ABCD3: variants seen among roughly 807,000 people sequenced by gnomAD.
The protein encoded by ABCD3 is ATP binding cassette subfamily D member 3.
ABCD3 carries 41 observed loss-of-function variants against 105.5 expected under a neutral mutation model. The ratio of observed to expected loss-of-function variants is 0.39; its 90% CI spans 0.30 to 0.50. The LOEUF (loss-of-function observed/expected upper bound fraction) is 0.50, where lower values mean the gene tolerates loss of function less well. Ranked by LOEUF, ABCD3 falls within the 20% of genes least tolerant of loss-of-function variation. The pLI is 0.84. For synonymous variants in ABCD3, 258 were observed against 269.0 expected, an observed-to-expected ratio of 0.96 and a Z score of 0.40; for missense variants, 622 against 806.3, an observed-to-expected ratio of 0.77 and a Z score of 2.77.
At chr1:94,447,284 C>T (rs1164516067) in intron 1 of ABCD3, among the ~76,000 whole-genome samples, 1 of 152,082 alleles carries the variant, frequency 6.6e-6, no homozygotes, top group Non-Finnish European at 1.5e-5. Flanking sequence ...AAGAAAAAAT[C>T]AGGTAAATAG....
At chr1:94,409,159 C>A in the ABCD3 span, among the ~76,000 whole-genome samples, 2 of 152,002 alleles carry the variant, frequency 1.3e-5, no homozygotes, top group Non-Finnish European at 2.9e-5. Flanking sequence ...TTTGCTAGCA[C>A]AACAGCGTGA....
chr1:94,418,953 T>C, intron 1 of ABCD3: 1 of 318,852 alleles, frequency 3.1e-6, no homozygotes, highest in South Asian at 3.4e-5. Context: ...ACTTTCTGGG[T>C]GTGTTCTGGT....
At chr1:94,457,452 G>A (rs1647631373) in intron 1 of ABCD3, among the ~76,000 whole-genome samples, 1 of 152,096 alleles carries the variant, frequency 6.6e-6, no homozygotes, top group Non-Finnish European at 1.5e-5. Context: ...AACAGATGTT[G>A]AACATAGAGG....
chr1:94,479,760 C>T (rs1484912772), intron 8 of ABCD3, among the ~76,000 whole-genome samples: 1 of 151,886 alleles, frequency 6.6e-6, no homozygotes, highest in Non-Finnish European at 1.5e-5. Flanking sequence ...TTTAGTATGG[C>T]AGAGTATAGG....
chr1:94,419,344 T>G, intron 1 of ABCD3: 1 of 985,356 alleles, frequency 1.0e-6, no homozygotes, highest in African/African-American at 1.7e-5. Flanking sequence ...AGCTCCTTTT[T>G]AATGACACGC....
At chr1:94,459,844 A>T (rs894173352) in intron 2 of ABCD3, among the ~76,000 whole-genome samples, 1 of 152,202 alleles carries the variant, frequency 6.6e-6, no homozygotes, top group Admixed American at 6.5e-5. Flanking sequence ...GACATTTCAA[A>T]TAAATGAAAT....
At chr1:94,464,727 A>C (rs772548978) in intron 2 of ABCD3, 48 bp from the exon 3 acceptor site, 1 of 1,456,668 alleles carries the variant, frequency 6.9e-7, no homozygotes, top group Non-Finnish European at 9.6e-7. Flanking sequence ...TAATTTTATG[A>C]TATGTTTGTT....
intron 1 of ABCD3, among the ~76,000 whole-genome samples, chr1:94,454,473 A>C (rs1330564353): frequency 6.6e-6 from 1 of 152,108 alleles, no homozygotes; most frequent in Non-Finnish European, 1.5e-5. Flanking sequence ...TAAAAATCAG[A>C]TATTCAAGTC....
At chr1:94,502,228 T>A (rs968663245) in intron 20 of ABCD3, among the ~76,000 whole-genome samples, 2 of 152,192 alleles carry the variant, frequency 1.3e-5, no homozygotes, top group African/African-American at 4.8e-5. Flanking sequence ...ATCATTTTAC[T>A]TATTTTTATC....
chr1:94,518,568 C>G lies in ABCD3; in HGVS notation c.*1439C>G, dbSNP rs1201444291. 2 of 149,966 alleles carry G rather than the reference C, an allele frequency of 1.3e-5. No homozygotes were observed. The highest frequency in any genetic ancestry group is 4.9e-5 in the African/African-American group (2 of 40,806). The allele number at this position is 149,966 out of a possible 1,614,324, so 9.3% of individuals were successfully genotyped here. ...TTCTTTTTATTCTGGTATCTAAATA[C>G]TGAGAAGTTCATTTATAATTCAGCC... On this transcript the variant is annotated 3_prime_UTR_variant, in exon 23 of 23. Coordinates refer to ENST00000370214, the MANE Select transcript of ABCD3 (RefSeq NM_002858.4).
At chr1:94,499,745 T>G in intron 20 of ABCD3, 131 bp downstream of exon 20, 1 of 1,143,968 alleles carries the variant, frequency 8.7e-7, no homozygotes, top group Admixed American at 2.2e-5. Flanking sequence ...TAAATTATCA[T>G]AAAAGTGCTT....
At chr1:94,442,518 T>C (rs1390222661) in intron 1 of ABCD3, among the ~76,000 whole-genome samples, 1 of 152,206 alleles carries the variant, frequency 6.6e-6, no homozygotes, top group African/African-American at 2.4e-5. Flanking sequence ...GCAGATTTCT[T>C]ACATGCATAT....
At chr1:94,484,139 A>G (rs1344289732) in intron 10 of ABCD3, among the ~76,000 whole-genome samples, 2 of 152,194 alleles carry the variant, frequency 1.3e-5, no homozygotes, top group East Asian at 3.8e-4. Flanking sequence ...GTCAGGAAAC[A>G]ACGTGCTGGA....
intron 1 of ABCD3, among the ~76,000 whole-genome samples, chr1:94,445,329 G>C (rs1660306496): frequency 6.6e-6 from 1 of 152,282 alleles, no homozygotes; most frequent in Middle Eastern, 3.4e-3. Flanking sequence ...CTCAAACCCA[G>C]GTTGAGGGGT....
intron 1 of ABCD3, among the ~76,000 whole-genome samples, chr1:94,419,914 G>C (rs990138949): frequency 6.6e-6 from 1 of 152,144 alleles, no homozygotes; most frequent in African/African-American, 2.4e-5. Context: ...AAGTTTTTCT[G>C]TTGGTTTGTA....
In ABCD3 at chr1:94,432,816, A is replaced by G. The variant is rs574891533; in HGVS notation, c.110+14228A>G. Reference sequence around the variant, plus strand: ...ATATTAAGTCATGCATTGCTTAACAATGGAGATGTCTTCTGAGAAATGCAC... The same window carrying G: ...ATATTAAGTCATGCATTGCTTAACAGTGGAGATGTCTTCTGAGAAATGCAC... On this transcript the variant is annotated intron_variant, in intron 1 of 22. Coordinates refer to ENST00000370214, the MANE Select transcript of ABCD3 (RefSeq NM_002858.4). Among the ~76,000 whole-genome samples, 336 of 152,158 alleles carry G rather than the reference A, an allele frequency of 2.2e-3. 1 individual carries two copies. The highest frequency in any genetic ancestry group is 3.4e-3 in the Non-Finnish European group (232 of 68,014).
intron 1 of ABCD3, among the ~76,000 whole-genome samples, chr1:94,450,138 TA>T (rs1193857437): frequency 3.3e-5 from 5 of 152,338 alleles, no homozygotes; most frequent in Non-Finnish European, 5.9e-5. Context: ...TAAAATGGAT[TA>T]AAAACACTTG....
chr1:94,499,571 A>G lies in ABCD3; in HGVS notation c.1697A>G (p.Asp566Gly). 6.2e-7 allele frequency: 1 copy of G among 1,613,814 alleles called. No individual in the cohort carries two copies. Residue 566 changes from aspartate to glycine, a missense_variant, in exon 20 of 23, where the codon GAT becomes GGT. Asp to Gly is a moderately conservative substitution (Grantham distance 94, BLOSUM62 -1). Around this residue, in one of 4 missense-constraint regions of ABCD3, gnomAD observed 285 missense variants for 352.5 expected, o/e 0.81. Coordinates refer to ENST00000370214, the MANE Select transcript of ABCD3 (RefSeq NM_002858.4). ...EREGGWDSVQ[D>G]WMDVLSGGEK... ...GAAGGAGGCTGGGACAGTGTTCAGG[A>G]TTGGATGGACGTACTCAGTGGTGGA...
At chr1:94,493,932 TG>T (rs1649663888) in intron 16 of ABCD3, among the ~76,000 whole-genome samples, 1 of 151,386 alleles carries the variant, frequency 6.6e-6, no homozygotes, top group African/African-American at 2.4e-5. Context: ...CATCACACTC[TG>T]GGGACTGTTG....
Sources: gnomAD v4.1 joint callset for allele counts (sites outside exome capture counted in the v4.1 genomes callset) on GRCh38, gnomAD v4.1.1 for gene constraint, gnomAD v4.1.1 regional missense constraint, MANE v1.5 for transcripts, NCBI Gene and HGNC (gene_info 2026-07-23, HGNC 2026-07-21) for gene names.